Variants in ARHGAP15 observed in about 807,000 individuals in gnomAD.
The protein encoded by ARHGAP15 is rho GTPase-activating protein 15.
In ARHGAP15, 51 loss-of-function variants were observed where a neutral mutation model predicts 63.7. The observed-to-expected ratio is 0.80, with a 90% CI of 0.64 to 1.01. ARHGAP15 has a LOEUF of 1.01. Among genes scored for constraint, ARHGAP15 ranks in the 50% least tolerant of loss-of-function variants. The pLI, the probability that ARHGAP15 is intolerant of heterozygous loss-of-function variation, is 0.00. For synonymous variants in ARHGAP15, 191 were observed against 193.8 expected, an observed-to-expected ratio of 0.99 and a Z score of 0.12; for missense variants, 560 against 564.6, an observed-to-expected ratio of 0.99 and a Z score of 0.08.
intron 8 of ARHGAP15, among the ~76,000 whole-genome samples, chr2:143,481,435 G>A (rs1162411017): frequency 2.0e-5 from 3 of 151,996 alleles, no homozygotes; most frequent in South Asian, 2.1e-4. Context: ...ACATGTAATT[G>A]TAACATGGGA....
chr2:143,305,767 AAAGTG>A (rs1199664803), intron 6 of ARHGAP15, among the ~76,000 whole-genome samples: 1 of 152,260 alleles, frequency 6.6e-6, no homozygotes, highest in Non-Finnish European at 1.5e-5. Context: ...ATAAATCTCT[AAAGTG>A]AAGCAAGTAG....
intron 1 of ARHGAP15, among the ~76,000 whole-genome samples, chr2:143,131,025 A>G (rs1291583048): frequency 6.6e-6 from 1 of 152,208 alleles, no homozygotes; most frequent in Admixed American, 6.5e-5. Flanking sequence ...AACATCTGGC[A>G]TTGAGGAAAA....
chr2:143,368,645 C>A (rs1686406339), intron 6 of ARHGAP15, among the ~76,000 whole-genome samples: 1 of 151,920 alleles, frequency 6.6e-6, no homozygotes, highest in Non-Finnish European at 1.5e-5. Flanking sequence ...CAAACTAAAG[C>A]AGAATCTGAA....
intron 3 of ARHGAP15, among the ~76,000 whole-genome samples, chr2:143,203,899 G>A (rs1281221556): frequency 6.6e-6 from 1 of 151,932 alleles, no homozygotes; most frequent in Non-Finnish European, 1.5e-5. Flanking sequence ...TATAAATTCT[G>A]GCATTTTTAC....
intron 13 of ARHGAP15, among the ~76,000 whole-genome samples, chr2:143,728,374 T>C (rs1685380335): frequency 6.6e-6 from 1 of 152,164 alleles, no homozygotes; most frequent in South Asian, 2.1e-4. Context: ...AGTCTCCAAA[T>C]GCAGTCACAT....
intron 6 of ARHGAP15, among the ~76,000 whole-genome samples, chr2:143,356,529 G>A (rs540996319): frequency 4.6e-5 from 7 of 152,062 alleles, no homozygotes. Context: ...CTTTAAGTTG[G>A]TTGATGAATT....
intron 6 of ARHGAP15, among the ~76,000 whole-genome samples, chr2:143,324,590 G>T (rs193252481): frequency 1.3e-5 from 2 of 152,130 alleles, no homozygotes; most frequent in Non-Finnish European, 2.9e-5. Context: ...GTACTTGAAC[G>T]TACAGGGTTA....
At chr2:143,295,092 A>C (rs535901486) in intron 6 of ARHGAP15, among the ~76,000 whole-genome samples, 24 of 152,184 alleles carry the variant, frequency 1.6e-4, no homozygotes, top group African/African-American at 5.3e-4. Context: ...TATATTTCCC[A>C]AAGCCATATG....
At chr2:143,195,714 A>C (rs1691863610) in intron 2 of ARHGAP15, among the ~76,000 whole-genome samples, 1 of 152,194 alleles carries the variant, frequency 6.6e-6, no homozygotes, top group Admixed American at 6.6e-5. Flanking sequence ...TCAGAAACGT[A>C]CATGTCTGTG....
intron 12 of ARHGAP15, among the ~76,000 whole-genome samples, chr2:143,645,200 T>TTAAAG (rs1246728134): frequency 6.6e-6 from 1 of 152,096 alleles, no homozygotes; most frequent in Non-Finnish European, 1.5e-5. Context: ...AAAGATATCT[T>TTAAAG]TAAAGTAAAA....
chr2:143,729,034 G>C (rs748413407), intron 13 of ARHGAP15, among the ~76,000 whole-genome samples: 1 of 152,192 alleles, frequency 6.6e-6, no homozygotes, highest in Non-Finnish European at 1.5e-5. Flanking sequence ...CGATGTACCA[G>C]TAAAAAGTCT....
rs374086432 is a variant in ARHGAP15 at position 143,365,461 on chromosome 2, C to T, written c.475-70140C>T. 2.6e-5 allele frequency among the ~76,000 whole-genome samples: 4 copies of T among 152,202 alleles called. No homozygotes were observed. The East Asian group carries it at 7.7e-4, about 29-fold the overall frequency. On this transcript the variant is annotated intron_variant, in intron 6 of 13. Transcript: ENST00000295095. ...CTGGTGGATAGTTTGTGTGACAATGCTGATCCCTCTATTTGCACATTGCCG... is the reference window on the plus strand; with the variant it reads ...CTGGTGGATAGTTTGTGTGACAATGTTGATCCCTCTATTTGCACATTGCCG...
At chr2:143,758,917 C>G (rs1473640410) in intron 13 of ARHGAP15, among the ~76,000 whole-genome samples, 1 of 152,170 alleles carries the variant, frequency 6.6e-6, no homozygotes, top group East Asian at 1.9e-4. Context: ...TTAATACCTT[C>G]CAAATTATCT....
At chr2:143,280,447 T>C (rs1681785084) in intron 6 of ARHGAP15, among the ~76,000 whole-genome samples, 1 of 152,138 alleles carries the variant, frequency 6.6e-6, no homozygotes, top group African/African-American at 2.4e-5. Context: ...GAGAGGTTAA[T>C]AGTGCACTTA....
At chr2:143,432,017 T>C (rs750309342) in intron 6 of ARHGAP15, among the ~76,000 whole-genome samples, 7 of 151,982 alleles carry the variant, frequency 4.6e-5, no homozygotes, top group African/African-American at 9.7e-5. Flanking sequence ...TGATGAGGTG[T>C]ATCTATCTAT....
intron 13 of ARHGAP15, among the ~76,000 whole-genome samples, chr2:143,764,258 C>T (rs1337718630): frequency 6.6e-6 from 1 of 152,134 alleles, no homozygotes; most frequent in South Asian, 2.1e-4. Flanking sequence ...TACAGGAGTC[C>T]CCCACGGTGG....
chr2:143,663,343 T>C (rs1293786741), intron 12 of ARHGAP15, among the ~76,000 whole-genome samples: 47 of 151,384 alleles, frequency 3.1e-4, no homozygotes, highest in Admixed American at 5.3e-4. Flanking sequence ...AGAAATAAAA[T>C]ACTTTACAGA....
chr2:143,438,266 T>A (rs1375693292), intron 8 of ARHGAP15, among the ~76,000 whole-genome samples: 3 of 151,994 alleles, frequency 2.0e-5, no homozygotes, highest in African/African-American at 7.2e-5. Context: ...TATACATATA[T>A]ACATACACAT....
At chr2:143,155,377 C>A in intron 1 of ARHGAP15, 100 bp from the exon 2 acceptor site, 2 of 1,142,558 alleles carry the variant, frequency 1.8e-6, no homozygotes, top group Non-Finnish European at 2.4e-6. Flanking sequence ...TCTTGTTTAT[C>A]AACTTTTAAT....
Sources: allele counts gnomAD v4.1 joint callset (sites outside exome capture counted in the v4.1 genomes callset), GRCh38; gene constraint gnomAD v4.1.1; transcripts MANE v1.5; gene names NCBI Gene and HGNC (gene_info 2026-07-23, HGNC 2026-07-21).